TRIQK: variants seen among roughly 807,000 people sequenced by gnomAD.
TRIQK encodes triple QxxK/R motif containing, also known as triple QxxK/R motif-containing protein.
Under a neutral mutation model 10.8 loss-of-function variants are expected in TRIQK, and 10 were observed. That is an observed-to-expected ratio of 0.92 (90% confidence interval 0.57 to 1.57). The LOEUF is 1.57. Ranked by LOEUF, TRIQK falls within the 40% of genes most tolerant of loss-of-function variation. The pLI is 0.00. For synonymous variants in TRIQK, 33 were observed against 33.7 expected (o/e 0.98, Z 0.07); for missense variants, 107 against 97.7 (o/e 1.09, Z -0.40).
chr8:92,956,188 A>C (rs960249786), intron 1 of TRIQK, among the ~76,000 whole-genome samples: 5 of 151,830 alleles, frequency 3.3e-5, no homozygotes, highest in African/African-American at 1.2e-4. Flanking sequence ...GTATATATCT[A>C]TATGGTGGAA....
chr8:92,986,825 G>A (rs918986517), intron 1 of TRIQK, among the ~76,000 whole-genome samples: 5 of 152,262 alleles, frequency 3.3e-5, no homozygotes, highest in South Asian at 2.1e-4. Flanking sequence ...GTGCAGAGAC[G>A]TACACATCTG....
upstream of TRIQK, among the ~76,000 whole-genome samples, chr8:92,970,619 C>T (rs531717293): frequency 6.6e-6 from 1 of 152,184 alleles, no homozygotes; most frequent in East Asian, 1.9e-4. Flanking sequence ...TGTCCCTGTT[C>T]GTGTCTTTTG....
rs558042376 is a variant in TRIQK, at chr8:92,943,637, C to T, written c.-22+10769G>A. On this transcript the variant is annotated intron_variant, in intron 2 of 4. Coordinates refer to ENST00000521988, the MANE Select transcript of TRIQK (RefSeq NM_001171797.2). Reference sequence around the variant, plus strand: ...GACATCCACATACAGAAGAATGAAGCTAGATTCCTGTCTCTTGCTATATAC... The same window carrying T: ...GACATCCACATACAGAAGAATGAAGTTAGATTCCTGTCTCTTGCTATATAC... 5.3e-5 allele frequency among the ~76,000 whole-genome samples: 8 copies of T among 152,288 alleles called. No homozygotes were observed. In the South Asian group the frequency reaches 1.2e-3, roughly 24 times the overall value.
At chr8:92,932,333 A>G (rs553141107) in intron 2 of TRIQK, among the ~76,000 whole-genome samples, 105 of 152,202 alleles carry the variant, frequency 6.9e-4, no homozygotes, top group African/African-American at 2.4e-3. Context: ...AATCAATGTG[A>G]ATTTCTTATT....
intron 2 of TRIQK, among the ~76,000 whole-genome samples, 151 bp from the exon 3 acceptor site, chr8:92,917,161 C>A (rs943222986): frequency 3.3e-5 from 5 of 152,008 alleles, no homozygotes; most frequent in Middle Eastern, 3.4e-3. Flanking sequence ...AAACAAAATT[C>A]TTTTAAATAA....
chr8:92,929,098 T>C (rs551352435), intron 2 of TRIQK, among the ~76,000 whole-genome samples: 7 of 152,266 alleles, frequency 4.6e-5, no homozygotes, highest in East Asian at 3.9e-4. Flanking sequence ...ATTTTAGTGA[T>C]AGTTAGCTAA....
At chr8:92,909,764 T>C (rs1809473005) in intron 3 of TRIQK, among the ~76,000 whole-genome samples, 1 of 151,710 alleles carries the variant, frequency 6.6e-6, no homozygotes, top group African/African-American at 2.4e-5. Flanking sequence ...TATAGTTAAA[T>C]AGAAGATGTT....
chr8:92,896,400 G>C (rs1036538591), intron 3 of TRIQK, among the ~76,000 whole-genome samples: 3 of 152,210 alleles, frequency 2.0e-5, no homozygotes, highest in Admixed American at 2.0e-4. Context: ...GCAGAAACTT[G>C]TTGCAGGGAT....
chr8:92,889,290 G>A (rs1184913848), intron 4 of TRIQK, among the ~76,000 whole-genome samples: 1 of 151,496 alleles, frequency 6.6e-6, no homozygotes, highest in Admixed American at 6.6e-5. Context: ...CTGTTGATTT[G>A]ATATGGTAAT....
intron 3 of TRIQK, among the ~76,000 whole-genome samples, chr8:92,904,714 C>T (rs1235235608): frequency 6.6e-6 from 1 of 152,026 alleles, no homozygotes; most frequent in Non-Finnish European, 1.5e-5. Context: ...AAATATGATT[C>T]CCAGAGATTT....
At chr8:92,991,396 A>G (rs1326469800) in intron 1 of TRIQK, among the ~76,000 whole-genome samples, 1 of 152,186 alleles carries the variant, frequency 6.6e-6, no homozygotes, top group Non-Finnish European at 1.5e-5. Flanking sequence ...ACAGTGCTTG[A>G]GCTCTGCTAA....
chr8:93,006,105 G>A (rs1384190145), intron 1 of TRIQK, among the ~76,000 whole-genome samples: 2 of 151,052 alleles, frequency 1.3e-5, no homozygotes, highest in Non-Finnish European at 3.0e-5. Context: ...ATTTAACCAC[G>A]GAGGCGAAAG....
intron 1 of TRIQK, among the ~76,000 whole-genome samples, chr8:93,006,563 G>A (rs574656417): frequency 2.2e-4 from 33 of 152,316 alleles, no homozygotes; most frequent in Admixed American, 1.9e-3. Flanking sequence ...AGGGTAAGGA[G>A]CAGCCATCAT....
At chr8:92,932,338 C>T (rs1810771508) in intron 2 of TRIQK, among the ~76,000 whole-genome samples, 1 of 152,076 alleles carries the variant, frequency 6.6e-6, no homozygotes, top group African/African-American at 2.4e-5. Flanking sequence ...ATGTGAATTT[C>T]TTATTTTTCC....
At chr8:92,932,458 A>G (rs1810781635) in intron 2 of TRIQK, among the ~76,000 whole-genome samples, 1 of 152,144 alleles carries the variant, frequency 6.6e-6, no homozygotes, top group Admixed American at 6.6e-5. Context: ...GTTAACTTGG[A>G]TCACTTGATT....
intron 1 of TRIQK, among the ~76,000 whole-genome samples, chr8:92,997,577 C>T (rs1586526706): frequency 6.6e-6 from 1 of 151,980 alleles, no homozygotes; most frequent in Admixed American, 6.6e-5. Context: ...GTGATTTACT[C>T]GTAGATTTTG....
chr8:92,901,025 T>C (rs1298737092), intron 3 of TRIQK, among the ~76,000 whole-genome samples: 1 of 151,980 alleles, frequency 6.6e-6, no homozygotes, highest in East Asian at 1.9e-4. Flanking sequence ...ACTTTCTTGA[T>C]TTTTTTTCAG....
chr8:93,007,118 GC>G (rs1458401433), intron 1 of TRIQK, among the ~76,000 whole-genome samples: 5 of 139,768 alleles, frequency 3.6e-5, no homozygotes, highest in African/African-American at 1.5e-4. Context: ...TCAGGTTGGT[GC>G]CCCTGTGGTA....
chr8:92,944,566 G>C (rs919728595), intron 2 of TRIQK, among the ~76,000 whole-genome samples: 3 of 152,136 alleles, frequency 2.0e-5, no homozygotes, highest in African/African-American at 7.2e-5. Context: ...TGGCAACATA[G>C]ATAAATCTTG....
Sources: gnomAD v4.1 joint callset for allele counts (sites outside exome capture counted in the v4.1 genomes callset) on GRCh38, gnomAD v4.1.1 for gene constraint, MANE v1.5 for transcripts, NCBI Gene and HGNC (gene_info 2026-07-23, HGNC 2026-07-21) for gene names.